KAZN: variants seen among roughly 807,000 people sequenced by gnomAD.
The protein encoded by KAZN is kazrin.
In KAZN, 40 loss-of-function variants were observed where a neutral mutation model predicts 87.4. The observed-to-expected ratio is 0.46, with a 90% CI of 0.36 to 0.60. The LOEUF (loss-of-function observed/expected upper bound fraction) is 0.60, where lower values mean the gene tolerates loss of function less well. Among genes scored for constraint, KAZN ranks in the 20% least tolerant of loss-of-function variants. The pLI, the probability that KAZN is intolerant of heterozygous loss-of-function variation, is 0.00. For synonymous variants in KAZN, 466 were observed against 458.3 expected, an observed-to-expected ratio of 1.02 and a Z score of -0.22; for missense variants, 898 against 1,073.9, an observed-to-expected ratio of 0.84 and a Z score of 2.29.
intron 2 of KAZN, among the ~76,000 whole-genome samples, chr1:14,263,155 A>G (rs548234159): frequency 2.0e-5 from 3 of 152,320 alleles, no homozygotes; most frequent in East Asian, 1.9e-4. Flanking sequence ...AGATGCCTAG[A>G]GCTCAACTTT....
chr1:15,103,509 CCAT>C, intron 12 of KAZN, 49 bp downstream of exon 12: 1 of 1,196,836 alleles, frequency 8.4e-7, no homozygotes, highest in South Asian at 1.3e-5. Flanking sequence ...TACACAAACC[CCAT>C]GCAAATCTAT....
chr1:15,064,158 C>T lies in KAZN; in HGVS notation c.1098+536C>T, dbSNP rs139805512. Among the ~76,000 whole-genome samples the T allele has an allele frequency of 1.3e-4, 20 of 152,342 alleles. 1 individual carries two copies. Among genetic ancestry groups the T allele is most frequent in the African/African-American group, 4.8e-4 (20 of 41,578 alleles). On this transcript the variant is annotated intron_variant, in intron 7 of 14. Coordinates refer to ENST00000376030, the MANE Select transcript of KAZN (RefSeq NM_201628.3). ...ATTTTTAACATTTTCAATATTCTGT[C>T]ATCAGAGTGAGGAGGGGGCTGCAGG...
intron 2 of KAZN, among the ~76,000 whole-genome samples, chr1:14,335,082 C>A (rs573649564): frequency 6.7e-6 from 1 of 148,202 alleles, no homozygotes; most frequent in African/African-American, 2.5e-5. Flanking sequence ...GCCATGGGGG[C>A]GGATCCCTCA....
intron 2 of KAZN, among the ~76,000 whole-genome samples, chr1:14,436,207 C>CA (rs1557720357): frequency 6.6e-6 from 1 of 151,614 alleles, no homozygotes; most frequent in Non-Finnish European, 1.5e-5. Flanking sequence ...CCAGCCTGGG[C>CA]AAAAAGAGTG....
At chr1:14,905,458 C>T (rs1302156240) in intron 1 of KAZN, among the ~76,000 whole-genome samples, 1 of 152,180 alleles carries the variant, frequency 6.6e-6, no homozygotes, top group Non-Finnish European at 1.5e-5. Flanking sequence ...GAAAAAGGTC[C>T]CCCAGGCCTG....
At chr1:14,303,324 A>C (rs944434108) in intron 2 of KAZN, among the ~76,000 whole-genome samples, 1 of 151,870 alleles carries the variant, frequency 6.6e-6, no homozygotes, top group Non-Finnish European at 1.5e-5. Context: ...GCTCACTGCA[A>C]CCTCCACCTC....
At chr1:14,227,973 T>C (rs184691729) in intron 2 of KAZN, among the ~76,000 whole-genome samples, 43 of 152,308 alleles carry the variant, frequency 2.8e-4, no homozygotes, top group Admixed American at 7.8e-4. Flanking sequence ...GCAGGATGCT[T>C]AGCAACTTTG....
chr1:13,985,464 C>T (rs1638967122), intron 1 of KAZN, among the ~76,000 whole-genome samples: 1 of 147,238 alleles, frequency 6.8e-6, no homozygotes, highest in Non-Finnish European at 1.5e-5. Context: ...GAACAAAAAA[C>T]CAAACACCGC....
chr1:14,180,402 T>C, intron 1 of KAZN: 1 of 1,542,876 alleles, frequency 6.5e-7, no homozygotes, highest in South Asian at 1.2e-5. Flanking sequence ...TTACCAGTTG[T>C]GACTCTACTT....
At chr1:14,841,283 T>C (rs1572623811) in intron 1 of KAZN, among the ~76,000 whole-genome samples, 1 of 151,812 alleles carries the variant, frequency 6.6e-6, no homozygotes, top group African/African-American at 2.4e-5. Context: ...TGGGTGCCTA[T>C]GGTCCCAGCT....
At chr1:15,075,919 G>A (rs544067925) in intron 8 of KAZN, among the ~76,000 whole-genome samples, 1 of 152,356 alleles carries the variant, frequency 6.6e-6, no homozygotes, top group South Asian at 2.1e-4. Context: ...GCCCTCCAGA[G>A]CACTTCATCA....
At chr1:13,956,599 G>A (rs766527410) in intron 1 of KAZN, among the ~76,000 whole-genome samples, 81 of 152,108 alleles carry the variant, frequency 5.3e-4, no homozygotes, top group Non-Finnish European at 9.6e-4. Context: ...CTAAGTTTGT[G>A]TACTCCAAGC....
At chr1:14,660,541 C>CTTTTTTT (rs1156503750) in intron 1 of KAZN, among the ~76,000 whole-genome samples, 12 of 76,008 alleles carry the variant, frequency 1.6e-4, no homozygotes, top group Non-Finnish European at 2.4e-4. Context: ...CTCTCTCTCT[C>CTTTTTTT]TTTTTTTTTT....
In KAZN at chr1:15,034,896, G is replaced by A. The variant is rs755287576; in HGVS notation, c.555+11G>A. ...GAGCAGCACCGCAAGGTCAGCCGCCGCCCTGCCCTCCCCTCCCCTCCCGAC... is the reference window on the plus strand; with the variant it reads ...GAGCAGCACCGCAAGGTCAGCCGCCACCCTGCCCTCCCCTCCCCTCCCGAC... On this transcript the variant is annotated intron_variant, in intron 3 of 14. Coordinates refer to ENST00000376030, the MANE Select transcript of KAZN (RefSeq NM_201628.3). 2.2e-5 allele frequency: 36 copies of A among 1,612,192 alleles called. No homozygotes were observed. Among genetic ancestry groups the A allele is most frequent in the East Asian group, 4.5e-5 (2 of 44,862 alleles).
intron 2 of KAZN, among the ~76,000 whole-genome samples, chr1:14,336,385 A>G (rs778981150): frequency 1.1e-4 from 16 of 152,162 alleles, no homozygotes; most frequent in Non-Finnish European, 2.4e-4. Context: ...AACATTTGAG[A>G]TGTTTCCAGT....
intron 1 of KAZN, chr1:14,924,158 C>T: frequency 3.1e-6 from 3 of 982,294 alleles, no homozygotes; most frequent in Non-Finnish European, 3.6e-6. Flanking sequence ...GGCTCCGCGG[C>T]CGAATTCCTC....
chr1:14,250,582 G>A (rs575459536), intron 2 of KAZN, among the ~76,000 whole-genome samples: 2 of 151,796 alleles, frequency 1.3e-5, no homozygotes, highest in African/African-American at 4.8e-5. Context: ...AAAAGTTGAT[G>A]GTGAGATTCA....
In KAZN at chr1:14,341,204, A is replaced by AT. The variant is rs201948187; in HGVS notation, c.249+160618dup. The stretch of plus-strand genomic sequence containing the variant: ...CCACCGTGCCCAGCTGATTTTCCTT[A>AT]TTTTTTAAAAAAGATTAGGCTTTAC... On this transcript the variant is annotated intron_variant, in intron 2 of 16. Coordinates refer to the KAZN transcript ENST00000636203. Among the ~76,000 whole-genome samples the AT allele has an allele frequency of 1.1e-4, 17 of 152,046 alleles. No individual in the cohort carries two copies. In the East Asian group the frequency reaches 1.9e-3, roughly 17 times the overall value.
At chr1:14,785,516 C>A (rs980391928) in intron 1 of KAZN, among the ~76,000 whole-genome samples, 9 of 152,114 alleles carry the variant, frequency 5.9e-5, no homozygotes, top group African/African-American at 1.7e-4. Context: ...ACCTCCTCCG[C>A]GGGAGCTTCA....
Sources: gnomAD v4.1 joint callset for allele counts (sites outside exome capture counted in the v4.1 genomes callset) on GRCh38, gnomAD v4.1.1 for gene constraint, MANE v1.5 for transcripts, NCBI Gene and HGNC (gene_info 2026-07-23, HGNC 2026-07-21) for gene names.